Variants in RFX7 observed in about 807,000 individuals in gnomAD.
The protein encoded by RFX7 is DNA-binding protein RFX7.
A neutral mutation model predicts 111.8 loss-of-function variants in RFX7; 26 were observed. The ratio of observed to expected loss-of-function variants is 0.23; its 90% CI spans 0.17 to 0.32. The LOEUF (loss-of-function observed/expected upper bound fraction) is 0.32. RFX7 is among the 10% of genes least tolerant of loss of function. The probability of loss-of-function intolerance (pLI) is 1.00; values close to 1 mark genes in which losing one functional copy is unlikely to be tolerated. For synonymous variants in RFX7, 624 were observed against 624.4 expected (o/e 1.00, Z 0.01); for missense variants, 1,573 against 1,772.9 (o/e 0.89, Z 2.02).
chr15:56,109,181 G>T (rs907537798), intron 5 of RFX7, among the ~76,000 whole-genome samples: 2 of 152,222 alleles, frequency 1.3e-5, no homozygotes, highest in Admixed American at 1.3e-4. Context: ...GAGTGCCTGC[G>T]ATTGCAGGCG....
chr15:56,110,111 C>G (rs1357289272), intron 5 of RFX7, among the ~76,000 whole-genome samples: 1 of 128,824 alleles, frequency 7.8e-6, no homozygotes, highest in Non-Finnish European at 1.7e-5. Flanking sequence ...GCCCCCCGCC[C>G]GGCCAGCCGC....
In RFX7 at chr15:56,094,336, C is replaced by G. The variant is rs568839360; in HGVS notation, c.3392G>C (p.Gly1131Ala). The part of the protein sequence containing the change: ...LTPVSPVQHQ[G>A]ATVNNTNKQE... ...TTTGTTGGTGTTATTTACAGTGGCA[C>G]CTTGATGCTGCACAGGAGAGACAGG... The change falls in exon 10 of 10, where the codon GGT becomes GCT. Residue 1131 changes from glycine (G) to alanine (A), a missense_variant. Gly to Ala is a moderately conservative substitution (Grantham distance 60). Coordinates refer to ENST00000559447, the MANE Select transcript of RFX7 (RefSeq NM_022841.7). 1.2e-6 allele frequency: 2 copies of G among 1,613,790 alleles called. No individual in the cohort carries two copies.
chr15:56,194,079 G>T (rs2043124769), intron 2 of RFX7, among the ~76,000 whole-genome samples: 1 of 152,034 alleles, frequency 6.6e-6, no homozygotes, highest in African/African-American at 2.4e-5. Context: ...TAGATATCTT[G>T]TTTGCTAGAA....
chr15:56,103,870 T>C (rs188071147), intron 5 of RFX7, among the ~76,000 whole-genome samples, 200 bp from the exon 6 acceptor site: 1 of 152,328 alleles, frequency 6.6e-6, no homozygotes, highest in Admixed American at 6.5e-5. Context: ...TCAGGGTATA[T>C]AGTCCTGCTT....
intron 5 of RFX7, among the ~76,000 whole-genome samples, chr15:56,109,240 G>T (rs1595930269): frequency 1.3e-5 from 2 of 152,366 alleles, no homozygotes. Flanking sequence ...TGGAGACGGG[G>T]TTTCGCTGTG....
intron 3 of RFX7, among the ~76,000 whole-genome samples, chr15:56,176,878 A>G (rs535227327): frequency 6.6e-6 from 1 of 152,092 alleles, no homozygotes; most frequent in South Asian, 2.1e-4. Context: ...TAGCCTAACT[A>G]ATTTTCCTGC....
intron 5 of RFX7, among the ~76,000 whole-genome samples, chr15:56,113,446 C>A (rs1439240302): frequency 6.6e-6 from 1 of 152,080 alleles, no homozygotes; most frequent in Non-Finnish European, 1.5e-5. Flanking sequence ...GGGAGCTGAA[C>A]AATGAGAACA....
intron 2 of RFX7, among the ~76,000 whole-genome samples, chr15:56,221,774 T>A (rs1447213043): frequency 6.6e-6 from 1 of 152,216 alleles, no homozygotes; most frequent in Non-Finnish European, 1.5e-5. Context: ...ATATTGTAAG[T>A]TCATCATCTT....
chr15:56,102,344 A>T lies in RFX7; in HGVS notation c.519-91T>A, dbSNP rs187311630. 1.8e-4 allele frequency: 127 copies of T among 687,454 alleles called. No homozygotes were observed. The Middle Eastern group carries it at 2.0e-3, about 11-fold the overall frequency. 42.6% of individuals were successfully genotyped at this position (687,454 alleles called of 1,614,324 possible). ...AAGTAACCATATATGAAATGAGAAA[A>T]AAAAATCAACATGACATAACATCTA... On this transcript the variant is annotated intron_variant, in intron 6 of 9. Transcript: ENST00000559447.
intron 4 of RFX7, 122 bp from the exon 5 acceptor site, chr15:56,143,022 T>A (rs2042422499): frequency 5.0e-6 from 5 of 999,294 alleles, no homozygotes; most frequent in Non-Finnish European, 7.3e-6. Flanking sequence ...CAAACCAAAC[T>A]TAGGACATCT....
chr15:56,111,661 C>CAAA lies in RFX7; in HGVS notation c.402-7994_402-7992dup, dbSNP rs371681721. On this transcript the variant is annotated intron_variant, in intron 5 of 9. Coordinates refer to ENST00000559447, the MANE Select transcript of RFX7 (RefSeq NM_022841.7). ...ATGATCAATAAAAAAATAAATAAACCAAAAAAAAAAAAAAAAAAACCAAAA... is the reference window on the plus strand; with the variant it reads ...ATGATCAATAAAAAAATAAATAAACCAAAAAAAAAAAAAAAAAAAAAACCAAAA... 3.3e-3 allele frequency among the ~76,000 whole-genome samples: 317 copies of CAAA among 95,536 alleles called. 6 individuals carry two copies. In the South Asian group the frequency reaches 0.034, roughly 10 times the overall value. 62.7% of individuals were successfully genotyped at this position (95,536 alleles called of 152,430 possible). A position where few individuals can be genotyped will look rare whatever the true frequency, so the allele number is the denominator to read the frequency against.
At chr15:56,157,912 A>C (rs1465009909) in intron 3 of RFX7, among the ~76,000 whole-genome samples, 3 of 152,156 alleles carry the variant, frequency 2.0e-5, no homozygotes, top group Non-Finnish European at 2.9e-5. Context: ...CATACAGCAA[A>C]ATGTATGATT....
intron 2 of RFX7, among the ~76,000 whole-genome samples, chr15:56,190,185 G>C (rs752225211): frequency 6.6e-6 from 1 of 152,222 alleles, no homozygotes; most frequent in African/African-American, 2.4e-5. Flanking sequence ...GTCTCAGGAT[G>C]AGGCTTCCCT....
rs752612276 is a variant in RFX7 at position 56,096,235 on chromosome 15, G to C, written c.1493C>G (p.Ala498Gly). The change falls in exon 10 of 10, where the codon GCT (alanine) becomes GGT (glycine). Residue 498 changes from alanine to glycine, a missense_variant. Coordinates refer to ENST00000559447, the MANE Select transcript of RFX7 (RefSeq NM_022841.7). ...PLKHSASVSS[A>G]TGTTEESRSV... is the part of the protein sequence containing the mutation. ...CCTTGATTCTTCTGTTGTTCCTGTA[G>C]CACTGCTGACTGAGGCAGAATGTTT... 4.0e-5 allele frequency: 65 copies of C among 1,613,830 alleles called. 3 individuals are homozygous for C. The South Asian group carries it at 6.6e-4, about 16-fold the overall frequency.
At chr15:56,164,727 G>GT (rs1424468303) in intron 3 of RFX7, among the ~76,000 whole-genome samples, 7 of 151,984 alleles carry the variant, frequency 4.6e-5, no homozygotes, top group Non-Finnish European at 8.8e-5. Flanking sequence ...TCTTTTTTAG[G>GT]TTTTAGATTT....
chr15:56,154,840 C>G (rs1444493952), intron 3 of RFX7, among the ~76,000 whole-genome samples: 3 of 152,138 alleles, frequency 2.0e-5, no homozygotes, highest in South Asian at 2.1e-4. Flanking sequence ...TCAGAGTGAA[C>G]AGGCAACCTA....
intron 2 of RFX7, among the ~76,000 whole-genome samples, chr15:56,184,777 C>A (rs1038897489): frequency 2.0e-5 from 3 of 152,118 alleles, no homozygotes; most frequent in Admixed American, 6.5e-5. Context: ...TTGTCATTCA[C>A]GTTGCTTTAT....
intron 6 of RFX7, among the ~76,000 whole-genome samples, chr15:56,102,916 G>A (rs7495308): frequency 6.6e-6 from 1 of 152,096 alleles, no homozygotes; most frequent in African/African-American, 2.4e-5. Flanking sequence ...ATATGATACA[G>A]AGACCCTCTA....
At position 56,093,731 on chromosome 15, in the gene RFX7, T is replaced by A. The variant is rs770661953; in HGVS notation, c.3997A>T (p.Asn1333Tyr). 6.2e-7 allele frequency: 1 copy of A among 1,613,882 alleles called. No individual in the cohort carries two copies. Among genetic ancestry groups the A allele is most frequent in the South Asian group, 1.1e-5 (1 of 91,082 alleles). ...TGQINFSPGD[N>Y]QAQSEIGEQQ... ...TCTCCAATTTCTGATTGTGCTTGATTATCTCCAGGAGAAAAATTGATCTGA... is the reference window on the plus strand; with the variant it reads ...TCTCCAATTTCTGATTGTGCTTGATAATCTCCAGGAGAAAAATTGATCTGA... The change falls in exon 10 of 10, where the codon AAT becomes TAT. Residue 1333 changes from asparagine to tyrosine, a missense_variant. This residue lies in a region of RFX7 where 411 missense variants were observed against 478.1 expected (regional missense o/e 0.86). Transcript: ENST00000559447.
Sources: allele counts gnomAD v4.1 joint callset (sites outside exome capture counted in the v4.1 genomes callset), GRCh38; gene constraint gnomAD v4.1.1; regional missense constraint gnomAD v4.1.1; transcripts MANE v1.5; gene names NCBI Gene and HGNC (gene_info 2026-07-23, HGNC 2026-07-21).